Variants in TBC1D1 observed in about 807,000 individuals in gnomAD.
TBC1D1 encodes TBC1 (tre-2/USP6, BUB2, cdc16) domain family, member 1.
In TBC1D1, 89 loss-of-function variants were observed where a neutral mutation model predicts 125.6. That is an observed-to-expected ratio of 0.71 (90% confidence interval 0.60 to 0.85). TBC1D1 has a LOEUF of 0.85. Among genes scored for constraint, TBC1D1 ranks in the 40% least tolerant of loss-of-function variants. The pLI is 0.00. For missense variants in TBC1D1, 1,377 were observed against 1,469.2 expected (o/e 0.94, Z 1.03); for synonymous variants, 565 against 564.1 (o/e 1.00, Z -0.02).
chr4:38,132,300 A>G (rs544990578), intron 18 of TBC1D1, among the ~76,000 whole-genome samples: 5 of 152,156 alleles, frequency 3.3e-5, no homozygotes, highest in African/African-American at 1.2e-4. Context: ...GGGTTCTCTC[A>G]TAGAAACAAC....
rs534251030 is a variant in TBC1D1 at position 37,933,510 on chromosome 4, G to A, written c.417+30998G>A. Among the ~76,000 whole-genome samples the A allele has an allele frequency of 1.2e-4, 18 of 151,560 alleles. 1 individual carries two copies. The East Asian group carries it at 1.7e-3, about 15-fold the overall frequency. ...AAAAATAAAGGCTCTGGAGTCAGGC[G>A]GAGAATAGAACCCAACTGGTACTGG... is the stretch of plus-strand genomic sequence containing the variant. On this transcript the variant is annotated intron_variant, in intron 2 of 19. Coordinates refer to ENST00000261439, the MANE Select transcript of TBC1D1 (RefSeq NM_015173.4).
chr4:38,120,420 AG>A (rs1418971428), intron 17 of TBC1D1, among the ~76,000 whole-genome samples: 1 of 152,226 alleles, frequency 6.6e-6, no homozygotes, highest in African/African-American at 2.4e-5. Context: ...CTGATGACTT[AG>A]AGAATGGTGA....
chr4:38,041,364 A>G (rs1461100974), intron 8 of TBC1D1, among the ~76,000 whole-genome samples: 4 of 152,224 alleles, frequency 2.6e-5, no homozygotes, highest in Non-Finnish European at 1.5e-5. Flanking sequence ...GATACTGGGA[A>G]CATGAATTTG....
chr4:38,031,173 G>A (rs375856941), intron 7 of TBC1D1, among the ~76,000 whole-genome samples: 96 of 152,344 alleles, frequency 6.3e-4, no homozygotes, highest in African/African-American at 1.9e-3. Context: ...TTGCTGTGAA[G>A]CCAATGTGGA....
intron 2 of TBC1D1, among the ~76,000 whole-genome samples, chr4:37,953,714 G>C (rs1728348035): frequency 6.6e-6 from 1 of 152,144 alleles, no homozygotes. Flanking sequence ...TTCAAGGGAG[G>C]GATAAACATG....
At chr4:37,914,928 C>A (rs1168355330) in intron 2 of TBC1D1, among the ~76,000 whole-genome samples, 1 of 152,262 alleles carries the variant, frequency 6.6e-6, no homozygotes, top group Non-Finnish European at 1.5e-5. Flanking sequence ...AGCAATATCA[C>A]TTCATCCAGT....
chr4:37,963,869 T>C (rs899290768), intron 2 of TBC1D1, among the ~76,000 whole-genome samples: 5 of 152,244 alleles, frequency 3.3e-5, no homozygotes, highest in African/African-American at 1.2e-4. Flanking sequence ...CCTGCTCTTT[T>C]TCCCCCCAAT....
intron 12 of TBC1D1, among the ~76,000 whole-genome samples, chr4:38,059,089 A>G (rs1372683658): frequency 6.6e-6 from 1 of 152,238 alleles, no homozygotes; most frequent in Non-Finnish European, 1.5e-5. Context: ...ATTAAGTTGC[A>G]AGAATCTGAA....
chr4:38,076,918 C>T (rs1412773059), intron 12 of TBC1D1, among the ~76,000 whole-genome samples: 2 of 152,142 alleles, frequency 1.3e-5, no homozygotes, highest in Non-Finnish European at 2.9e-5. Context: ...TTACCAGTAA[C>T]TCCAGATTCC....
chr4:38,100,323 G>T (rs1760082722), intron 14 of TBC1D1, among the ~76,000 whole-genome samples: 1 of 152,244 alleles, frequency 6.6e-6, no homozygotes, highest in East Asian at 1.9e-4. Context: ...CCGTTAGCTT[G>T]TCTGTACTTG....
chr4:38,085,400 C>T (rs547684410), intron 12 of TBC1D1, among the ~76,000 whole-genome samples: 52 of 152,162 alleles, frequency 3.4e-4, no homozygotes, highest in Non-Finnish European at 6.5e-4. Flanking sequence ...AAGTTGTTAT[C>T]GCAGCCCTTT....
At chr4:38,102,256 A>G (rs1459699736) in intron 14 of TBC1D1, among the ~76,000 whole-genome samples, 1 of 149,354 alleles carries the variant, frequency 6.7e-6, no homozygotes, top group East Asian at 1.9e-4. Context: ...TAATAATAAT[A>G]AAAAGAAATG....
chr4:37,963,683 G>A (rs780424092), intron 2 of TBC1D1, among the ~76,000 whole-genome samples: 4 of 152,144 alleles, frequency 2.6e-5, no homozygotes, highest in African/African-American at 7.2e-5. Flanking sequence ...ATGTACTTAC[G>A]TACAAAATAT....
chr4:37,945,749 T>C (rs1196819692), intron 2 of TBC1D1, among the ~76,000 whole-genome samples: 1 of 152,170 alleles, frequency 6.6e-6, no homozygotes, highest in Non-Finnish European at 1.5e-5. Context: ...TGGAAATCAA[T>C]GCTGTATTAG....
chr4:38,038,684 A>G (rs918478582), intron 8 of TBC1D1, among the ~76,000 whole-genome samples: 10 of 152,224 alleles, frequency 6.6e-5, no homozygotes, highest in Non-Finnish European at 1.5e-4. Context: ...GCAGTGGCTC[A>G]CGCCTGTAAT....
At position 38,137,275 on chromosome 4, in the gene TBC1D1, G is replaced by C; in HGVS notation, c.3447G>C (p.Arg1149=). The change falls in exon 20 of 20, where the codon CGG becomes CGC. Residue 1149 remains arginine, a synonymous_variant. Transcript: ENST00000261439. The stretch of plus-strand genomic sequence containing the variant: ...AGACGGTGGAGGAGCTGCGGCGGCG[G>C]AGCGCAGAGCCCAGCGACCGGGAGC... 1 of 1,611,744 alleles carries C rather than the reference G, an allele frequency of 6.2e-7. No individual in the cohort carries two copies. Among genetic ancestry groups the C allele is most frequent in the Non-Finnish European group, 8.5e-7 (1 of 1,179,968 alleles).
chr4:38,002,985 G>C (rs994701321), intron 2 of TBC1D1, among the ~76,000 whole-genome samples: 3 of 152,170 alleles, frequency 2.0e-5, no homozygotes, highest in African/African-American at 7.2e-5. Flanking sequence ...GCATAGCAAG[G>C]AAGTCCCTTC....
At chr4:37,893,021 T>G (rs1358106647) in intron 1 of TBC1D1, among the ~76,000 whole-genome samples, 2 of 152,124 alleles carry the variant, frequency 1.3e-5, no homozygotes, top group Non-Finnish European at 2.9e-5. Flanking sequence ...TCTTCTAGGA[T>G]GTAACCCTGG....
chr4:37,952,137 T>C, intron 2 of TBC1D1: 2 of 714,422 alleles, frequency 2.8e-6, no homozygotes, highest in South Asian at 3.0e-5. Context: ...GCAGTCATGA[T>C]GAACCCAGCA....
Sources: gnomAD v4.1 joint callset for allele counts (sites outside exome capture counted in the v4.1 genomes callset) on GRCh38, gnomAD v4.1.1 for gene constraint, MANE v1.5 for transcripts, NCBI Gene and HGNC (gene_info 2026-07-23, HGNC 2026-07-21) for gene names.